Variants in DNMT3B observed in about 807,000 individuals in gnomAD.
The protein encoded by DNMT3B is DNA (cytosine-5)-methyltransferase 3B.
In DNMT3B, 37 loss-of-function variants were observed where a neutral mutation model predicts 120.2. The observed-to-expected ratio is 0.31, with a 90% CI of 0.24 to 0.40. The LOEUF (loss-of-function observed/expected upper bound fraction) is 0.40. Ranked by LOEUF, DNMT3B falls within the 10% of genes least tolerant of loss-of-function variation. The pLI is 1.00. For missense variants in DNMT3B, 878 were observed against 1,137.3 expected (o/e 0.77, Z 3.28); for synonymous variants, 412 against 442.8 (o/e 0.93, Z 0.87).
chr20:32,768,547 A>G (rs2145848283), intron 1 of DNMT3B, among the ~76,000 whole-genome samples: 1 of 152,050 alleles, frequency 6.6e-6, no homozygotes, highest in East Asian at 1.9e-4. Flanking sequence ...GGCTGGTCTC[A>G]AATTCCTAGG....
chr20:32,787,131 C>G (rs2145947722), intron 5 of DNMT3B, 99 bp from the exon 6 acceptor site: 1 of 1,405,004 alleles, frequency 7.1e-7, no homozygotes, highest in African/African-American at 1.4e-5. Flanking sequence ...TTCAGTCTTT[C>G]CTCTTTCTTT....
chr20:32,764,157 TTCA>T (rs1390226271), intron 1 of DNMT3B, among the ~76,000 whole-genome samples: 1 of 152,198 alleles, frequency 6.6e-6, no homozygotes. Context: ...TAGTTCTTAG[TTCA>T]TCATGTGTTT....
At chr20:32,780,083 C>G (rs1978396281) in intron 1 of DNMT3B, 2 of 1,610,918 alleles carry the variant, frequency 1.2e-6, no homozygotes, top group Admixed American at 3.4e-5. Flanking sequence ...GTCCTGGGTG[C>G]TGGCGTCTGA....
chr20:32,806,554 A>G (rs1199594114), intron 22 of DNMT3B, among the ~76,000 whole-genome samples: 1 of 152,232 alleles, frequency 6.6e-6, no homozygotes, highest in Non-Finnish European at 1.5e-5. Flanking sequence ...AGGCCACACC[A>G]TCTGTCTGTT....
chr20:32,806,214 G>C lies in DNMT3B; in HGVS notation c.2307G>C (p.Lys769Asn). 1 of 1,614,122 alleles carries C rather than the reference G, an allele frequency of 6.2e-7. No individual in the cohort carries two copies. The highest frequency in any genetic ancestry group is 8.5e-7 in the Non-Finnish European group (1 of 1,180,004). ...CLEYNRIAKLKKVQTITTKSN... is the reference protein window; with the variant it reads ...CLEYNRIAKLNKVQTITTKSN... ...GATGTCATTTTGTTCTCCAGTTAAA[G>C]AAAGTACAGACAATAACCACCAAGT... The change falls in exon 22 of 23, where the codon AAG becomes AAC. Residue 769 changes from lysine (K) to asparagine (N), a missense_variant. Lys to Asn is a moderately conservative substitution (Grantham distance 94). Coordinates refer to ENST00000328111, the MANE Select transcript of DNMT3B (RefSeq NM_006892.4).
intron 22 of DNMT3B, among the ~76,000 whole-genome samples, chr20:32,807,465 T>C (rs1175101786): frequency 1.3e-5 from 2 of 152,178 alleles, no homozygotes; most frequent in Admixed American, 6.5e-5. Context: ...GTTTTGAAAA[T>C]GGATACATTG....
At chr20:32,773,934 G>GTTTTTTTTTTTTTTTTTTTTTTTTTTTT (rs1161730284) in intron 1 of DNMT3B, among the ~76,000 whole-genome samples, 2 of 69,130 alleles carry the variant, frequency 2.9e-5, no homozygotes, top group African/African-American at 1.3e-4. Context: ...CCCGGCAGTG[G>GTTTTTTTTTTTTTTTTTTTTTTTTTTTT]TTTTTTTTTT....
rs546965300 is a variant in DNMT3B at position 32,796,852 on chromosome 20, C to G, written c.1360C>G (p.Leu454Val). ...CTTCCACCCTCTCTTTGAGGGGGGG[C>G]TCTGTCAGACATGCCGGGTAAGTCC... is the stretch of plus-strand genomic sequence containing the variant. ...VSFHPLFEGG[L>V]CQTCRDRFLE... The change falls in exon 13 of 23, where the codon CTC becomes GTC. Residue 454 changes from leucine (L) to valine (V), a missense_variant. Physicochemically the swap from Leu to Val is conservative, Grantham distance 32. Coordinates refer to ENST00000328111, the MANE Select transcript of DNMT3B (RefSeq NM_006892.4). 6.2e-7 allele frequency: 1 copy of G among 1,614,192 alleles called. No homozygotes were observed. The highest frequency in any genetic ancestry group is 1.1e-5 in the South Asian group (1 of 91,086).
At chr20:32,794,844 A>G (rs1213016503) in intron 10 of DNMT3B, among the ~76,000 whole-genome samples, 5 of 152,340 alleles carry the variant, frequency 3.3e-5, no homozygotes, top group South Asian at 2.1e-4. Context: ...TAAATTTGCA[A>G]TGAAAATACT....
intron 1 of DNMT3B, 35 bp from the exon 2 acceptor site, chr20:32,780,283 C>A (rs1331250703): frequency 6.2e-7 from 1 of 1,613,770 alleles, no homozygotes; most frequent in Non-Finnish European, 8.5e-7. Flanking sequence ...GTCCCTGCTT[C>A]CCTTTCACCC....
chr20:32,796,361 G>C (rs1372132946), intron 12 of DNMT3B, among the ~76,000 whole-genome samples: 1 of 152,180 alleles, frequency 6.6e-6, no homozygotes, highest in African/African-American at 2.4e-5. Flanking sequence ...GGGAAGGCAG[G>C]GTTGCCTACT....
At chr20:32,795,811 C>T (rs1215626268) in intron 12 of DNMT3B, 117 bp downstream of exon 12, 1 of 1,325,530 alleles carries the variant, frequency 7.5e-7, no homozygotes, top group African/African-American at 1.5e-5. Context: ...TCCTTAACCT[C>T]AGGCCAAGGC....
chr20:32,785,039 T>C (rs1488248614), intron 4 of DNMT3B, among the ~76,000 whole-genome samples, 180 bp downstream of exon 4: 1 of 94,418 alleles, frequency 1.1e-5, no homozygotes, highest in Non-Finnish European at 1.8e-5. Context: ...GTTTTCTTTT[T>C]TCTTTTTTTT....
rs1979050306 is a variant in DNMT3B at position 32,784,752 on chromosome 20, A to G, written c.205-6A>G. ...TTCATCATGTTCATCATGTTTCCTTATAAAGGACTTGACAGGCGATGGCGA... is the reference window on the plus strand; with the variant it reads ...TTCATCATGTTCATCATGTTTCCTTGTAAAGGACTTGACAGGCGATGGCGA... On this transcript the variant is annotated splice_polypyrimidine_tract_variant and splice_region_variant and intron_variant, in intron 3 of 22. Coordinates refer to ENST00000328111, the MANE Select transcript of DNMT3B (RefSeq NM_006892.4). The G allele has an allele frequency of 1.2e-6, 2 of 1,613,788 alleles. No homozygotes were observed. The highest frequency in any genetic ancestry group is 2.2e-5 in the East Asian group (1 of 44,882).
rs1424969940 is a variant in DNMT3B at position 32,780,412 on chromosome 20, A to G, written c.89A>G (p.Gln30Arg). The change falls in exon 2 of 23, where the codon CAG (glutamine) becomes CGG (arginine). Residue 30 changes from glutamine (Q) to arginine (R), a missense_variant. Around this residue, in one of 4 missense-constraint regions of DNMT3B, gnomAD observed 287 missense variants for 306.2 expected, o/e 0.94. Transcript: ENST00000328111. ...SILVNGACSD[Q>R]SSDSPPILEA... ...CTCGTCAACGGGGCCTGCAGCGACC[A>G]GTCCTCCGACTCGCCCCCAATCCTG... is the stretch of plus-strand genomic sequence containing the variant. The G allele has an allele frequency of 3.7e-6, 6 of 1,613,732 alleles. No individual in the cohort carries two copies. The highest frequency in any genetic ancestry group is 3.3e-5 in the South Asian group (3 of 91,062).
At chr20:32,787,708 G>T (rs187603105) in intron 6 of DNMT3B, among the ~76,000 whole-genome samples, 22 of 152,258 alleles carry the variant, frequency 1.4e-4, no homozygotes, top group Admixed American at 1.0e-3. Context: ...TGACATTTAT[G>T]TAAGGACTGC....
At chr20:32,804,684 CTTTTTT>C (rs537765800) in intron 20 of DNMT3B, among the ~76,000 whole-genome samples, 2,652 of 112,660 alleles carry the variant, frequency 0.024, 83 homozygotes, top group African/African-American at 0.08. Flanking sequence ...GGTGCTTAGT[CTTTTTT>C]TTTTTTTTTT....
At chr20:32,796,422 G>T (rs371886993) in intron 12 of DNMT3B, among the ~76,000 whole-genome samples, 1 of 152,350 alleles carries the variant, frequency 6.6e-6, no homozygotes, top group East Asian at 1.9e-4. Flanking sequence ...TTTACAGGGT[G>T]TGGGCATGGG....
At chr20:32,768,443 C>T (rs372571416) in intron 1 of DNMT3B, among the ~76,000 whole-genome samples, 20 of 152,228 alleles carry the variant, frequency 1.3e-4, no homozygotes, top group East Asian at 7.7e-4. Flanking sequence ...CCACCCGCCT[C>T]GGCCTACCAA....
Sources: gnomAD v4.1 joint callset for allele counts (sites outside exome capture counted in the v4.1 genomes callset) on GRCh38, gnomAD v4.1.1 for gene constraint, gnomAD v4.1.1 regional missense constraint, MANE v1.5 for transcripts, NCBI Gene and HGNC (gene_info 2026-07-23, HGNC 2026-07-21) for gene names.